RB1CC1: variants seen among roughly 807,000 people sequenced by gnomAD.
RB1CC1 encodes RB1-inducible coiled-coil protein 1.
A neutral mutation model predicts 177.5 loss-of-function variants in RB1CC1; 46 were observed. The observed-to-expected ratio is 0.26, with a 90% confidence interval of 0.20 to 0.33. RB1CC1 has a LOEUF of 0.33. Ranked by LOEUF, RB1CC1 falls within the 10% of genes least tolerant of loss-of-function variation. RB1CC1 has a pLI of 1.00. For missense variants in RB1CC1, 1,703 were observed against 1,816.3 expected, an observed-to-expected ratio of 0.94 and a Z score of 1.13; for synonymous variants, 666 against 613.6, an observed-to-expected ratio of 1.09 and a Z score of -1.26.
intron 18 of RB1CC1, among the ~76,000 whole-genome samples, chr8:52,639,772 TGTTTA>T (rs1849423452): frequency 6.6e-6 from 1 of 152,180 alleles, no homozygotes; most frequent in African/African-American, 2.4e-5. Flanking sequence ...GGTATTGTAC[TGTTTA>T]GTTATTACTC....
At chr8:52,646,184 C>T (rs1344761571) in intron 15 of RB1CC1, among the ~76,000 whole-genome samples, 2 of 152,054 alleles carry the variant, frequency 1.3e-5, no homozygotes, top group Admixed American at 6.6e-5. Flanking sequence ...ATTCTTTGGC[C>T]GAGCTCTGTG....
Position 52,642,752 on chromosome 8 carries a change from GATC to G in RB1CC1, c.4045_4047del (p.Asp1349del). The G allele has an allele frequency of 1.3e-6, 2 of 1,583,628 alleles. No homozygotes were observed. Among genetic ancestry groups the G allele is most frequent in the Non-Finnish European group, 8.5e-7 (1 of 1,171,550 alleles). On this transcript the variant is annotated inframe_deletion, in exon 17 of 24. Transcript: ENST00000025008. ...ATTGTACTTTTCAACTTATCACTAA[GATC>G]ATTTATTATGTTTTCTTTTCTCATT...
At chr8:52,644,235 C>A (rs1464903710) in intron 16 of RB1CC1, among the ~76,000 whole-genome samples, 3 of 152,004 alleles carry the variant, frequency 2.0e-5, no homozygotes, top group Non-Finnish European at 2.9e-5. Context: ...GTACAAATAA[C>A]CTTAAATAAA....
intron 1 of RB1CC1, among the ~76,000 whole-genome samples, chr8:52,698,069 A>AT (rs1234540911): frequency 2.2e-4 from 34 of 152,262 alleles, no homozygotes; most frequent in Middle Eastern, 3.4e-3. Flanking sequence ...AAAATTAAAA[A>AT]TTTGATTTAT....
At chr8:52,698,669 GGTTTTTTTTTTTTTTT>G (rs1855698886) in intron 1 of RB1CC1, among the ~76,000 whole-genome samples, 1 of 22,782 alleles carries the variant, frequency 4.4e-5, no homozygotes, top group African/African-American at 1.4e-4. Context: ...TGTAATGGTT[GGTTTTTTTTTTTTTTT>G]TTTTTTTTTT....
chr8:52,691,610 T>TA (rs1266252945), intron 1 of RB1CC1, among the ~76,000 whole-genome samples: 1 of 152,226 alleles, frequency 6.6e-6, no homozygotes, highest in Non-Finnish European at 1.5e-5. Flanking sequence ...TAACAGCTCC[T>TA]AAGTGATGTT....
chr8:52,709,365 T>G (rs1018070456), intron 1 of RB1CC1, among the ~76,000 whole-genome samples: 5 of 152,148 alleles, frequency 3.3e-5, no homozygotes, highest in African/African-American at 1.2e-4. Context: ...CAAGTGGAGA[T>G]TTACAATTTT....
intron 15 of RB1CC1, among the ~76,000 whole-genome samples, chr8:52,651,232 G>A: frequency 6.6e-6 from 1 of 152,186 alleles, no homozygotes; most frequent in Non-Finnish European, 1.5e-5. Flanking sequence ...CAAGTTGACT[G>A]CCTGGAAAGT....
intron 7 of RB1CC1, among the ~76,000 whole-genome samples, chr8:52,668,947 A>T (rs1300338286): frequency 1.3e-5 from 2 of 152,144 alleles, no homozygotes; most frequent in African/African-American, 4.8e-5. Flanking sequence ...TGCTCTGTCT[A>T]ATCTTTCTAA....
intron 7 of RB1CC1, among the ~76,000 whole-genome samples, chr8:52,670,709 G>A (rs1268502338): frequency 3.3e-5 from 5 of 152,168 alleles, no homozygotes; most frequent in East Asian, 1.9e-4. Flanking sequence ...TCTTAAGGCC[G>A]GGTGCAGTGG....
At chr8:52,678,273 TGGGTGTGGTG>T (rs1853333046) in intron 5 of RB1CC1, among the ~76,000 whole-genome samples, 1 of 152,010 alleles carries the variant, frequency 6.6e-6, no homozygotes, top group South Asian at 2.1e-4. Context: ...AAAAATTAGC[TGGGTGTGGTG>T]GCACGTACCT....
chr8:52,705,745 TG>T (rs909867879), intron 1 of RB1CC1, among the ~76,000 whole-genome samples: 2 of 152,120 alleles, frequency 1.3e-5, no homozygotes, highest in Non-Finnish European at 2.9e-5. Context: ...CAGGAGGATA[TG>T]GCTTGCTTGA....
chr8:52,657,818 G>T lies in RB1CC1; in HGVS notation c.2011C>A (p.Pro671Thr), dbSNP rs767559424. 21 of 1,614,032 alleles carry T rather than the reference G, an allele frequency of 1.3e-5. No homozygotes were observed. The highest frequency in any genetic ancestry group is 1.8e-5 in the Non-Finnish European group (21 of 1,180,004). Residue 671 changes from proline (P) to threonine (T), a missense_variant, in exon 15 of 24, where the codon CCT becomes ACT. By Grantham distance (38) the Pro-to-Thr change is conservative. Around this residue, in one of 6 missense-constraint regions of RB1CC1, gnomAD observed 1,169 missense variants for 1,184.7 expected, o/e 0.99. Transcript: ENST00000025008. ...GGATCCTGAACAGTCAGTGGTGGAG[G>T]AGTTCTCGGTGAGGTAGTAGTTGTA... ...GITTTTSPRT[P>T]PPLTVQDPLC...
chr8:52,703,092 C>T (rs893682539), intron 1 of RB1CC1, among the ~76,000 whole-genome samples: 1 of 151,792 alleles, frequency 6.6e-6, no homozygotes, highest in Admixed American at 6.6e-5. Context: ...TCTTTATCAG[C>T]CAATGTGTTC....
At chr8:52,689,436 C>G (rs1854607403) in intron 1 of RB1CC1, among the ~76,000 whole-genome samples, 1 of 152,182 alleles carries the variant, frequency 6.6e-6, no homozygotes, top group Non-Finnish European at 1.5e-5. Flanking sequence ...AACCTCCATG[C>G]TGCCTTCAAA....
chr8:52,657,942 AG>A, intron 14 of RB1CC1, 34 bp from the exon 15 acceptor site: 13 of 1,612,768 alleles, frequency 8.1e-6, no homozygotes, highest in Non-Finnish European at 1.0e-5. Context: ...AAAGAGCTGC[AG>A]GAACACAAAC....
intron 15 of RB1CC1, among the ~76,000 whole-genome samples, chr8:52,648,238 T>C (rs1850234944): frequency 6.6e-6 from 1 of 152,186 alleles, no homozygotes; most frequent in South Asian, 2.1e-4. Flanking sequence ...GGTTATGACA[T>C]GAAAAATAAT....
chr8:52,634,217 T>C (rs1848965320), intron 20 of RB1CC1, among the ~76,000 whole-genome samples: 1 of 151,950 alleles, frequency 6.6e-6, no homozygotes, highest in South Asian at 2.1e-4. Context: ...GCACTTTCAC[T>C]TAAAAATAAG....
intron 15 of RB1CC1, among the ~76,000 whole-genome samples, chr8:52,653,249 A>G (rs1339071137): frequency 6.6e-6 from 1 of 152,176 alleles, no homozygotes; most frequent in Admixed American, 6.5e-5. Context: ...CTCTGCAGGA[A>G]ACAGCAGAGG....
Sources: gnomAD v4.1 joint callset for allele counts (sites outside exome capture counted in the v4.1 genomes callset) on GRCh38, gnomAD v4.1.1 for gene constraint, gnomAD v4.1.1 regional missense constraint, MANE v1.5 for transcripts, NCBI Gene and HGNC (gene_info 2026-07-23, HGNC 2026-07-21) for gene names.